Variants in KYAT1 observed in about 807,000 individuals in gnomAD.
The protein encoded by KYAT1 is kynurenine--oxoglutarate transaminase 1.
In KYAT1, 47 loss-of-function variants were observed where a neutral mutation model predicts 52.4. The ratio of observed to expected loss-of-function variants is 0.90; its 90% CI spans 0.71 to 1.14. The LOEUF (loss-of-function observed/expected upper bound fraction) is 1.14, where lower values mean the gene tolerates loss of function less well. Ranked by LOEUF, KYAT1 falls within the 50% of genes most tolerant of loss-of-function variation. The pLI is 0.00. For missense variants in KYAT1, 480 were observed against 557.9 expected, an observed-to-expected ratio of 0.86 and a Z score of 1.41; for synonymous variants, 212 against 209.6, an observed-to-expected ratio of 1.01 and a Z score of -0.10.
intron 1 of KYAT1, among the ~76,000 whole-genome samples, chr9:128,865,355 A>T (rs1187766754): frequency 0.24 from 1,411 of 5,856 alleles, 217 homozygotes; most frequent in African/African-American, 0.39. Context: ...ATATATATAT[A>T]TATATTTTTT....
At chr9:128,865,602 T>A (rs1836264938) in intron 1 of KYAT1, among the ~76,000 whole-genome samples, 1 of 151,496 alleles carries the variant, frequency 6.6e-6, no homozygotes, top group Non-Finnish European at 1.5e-5. Flanking sequence ...CGTCAGGTGA[T>A]CCACCCACCT....
intron 1 of KYAT1, chr9:128,846,789 T>C: frequency 6.5e-7 from 1 of 1,535,584 alleles, no homozygotes; most frequent in Non-Finnish European, 8.7e-7. Flanking sequence ...CTTCCGTTCC[T>C]GTGGGTTTGC....
intron 1 of KYAT1, chr9:128,846,600 CAAAAAAAAA>C (rs57333664): frequency 6.0e-4 from 253 of 419,166 alleles, no homozygotes; most frequent in East Asian, 3.8e-3. Context: ...AAGACTCTAC[CAAAAAAAAA>C]AAAAAAAAAA....
chr9:128,869,223 A>C (rs1490656305), intron 1 of KYAT1, among the ~76,000 whole-genome samples: 2 of 151,404 alleles, frequency 1.3e-5, no homozygotes, highest in Non-Finnish European at 2.9e-5. Flanking sequence ...GTGCAATGGC[A>C]CAATCTCGGC....
In KYAT1 at chr9:128,833,807, A is replaced by C. The variant is rs756547397; in HGVS notation, c.1142T>G (p.Val381Gly). ...IKNKGLVAIP[V>G]SIFYSVPHQK... ...ATGTGGCACACTATAGAAGATGGAG[A>C]CAGGGATGGCCACCAAGCCCTGGGG... The change falls in exon 12 of 13, where the codon GTC (valine) becomes GGC (glycine). Residue 381 changes from valine to glycine, a missense_variant. By Grantham distance (109) the Val-to-Gly change is moderately radical. Coordinates refer to ENST00000302586, the MANE Select transcript of KYAT1 (RefSeq NM_004059.5). The C allele has an allele frequency of 1.1e-5, 17 of 1,614,094 alleles. No individual in the cohort carries two copies. Among genetic ancestry groups the C allele is most frequent in the Non-Finnish European group, 1.4e-5 (16 of 1,180,026 alleles).
chr9:128,876,542 C>CG (rs928347380), intron 1 of KYAT1, among the ~76,000 whole-genome samples: 3 of 151,538 alleles, frequency 2.0e-5, no homozygotes, highest in African/African-American at 4.9e-5. Context: ...CTCAGCCTCC[C>CG]GAGTAGCTGG....
intron 1 of KYAT1, chr9:128,846,693 C>T: frequency 1.3e-6 from 2 of 1,532,236 alleles, no homozygotes; most frequent in Non-Finnish European, 1.7e-6. Flanking sequence ...GGCTGGGTGA[C>T]CCTGGATAGG....
At chr9:128,846,679 C>T (rs1436941018) in intron 1 of KYAT1, 1 of 1,520,148 alleles carries the variant, frequency 6.6e-7, no homozygotes, top group Non-Finnish European at 8.8e-7. Flanking sequence ...TCCTAACCCA[C>T]CTTGGCTGGG....
chr9:128,866,778 C>T (rs940058017), intron 1 of KYAT1, among the ~76,000 whole-genome samples: 3 of 151,650 alleles, frequency 2.0e-5, no homozygotes, highest in African/African-American at 4.8e-5. Context: ...CCGTGATGTG[C>T]GCCTGTAATC....
intron 1 of KYAT1, among the ~76,000 whole-genome samples, chr9:128,880,670 C>T (rs1398737187): frequency 1.3e-5 from 2 of 152,156 alleles, no homozygotes; most frequent in South Asian, 2.1e-4. Flanking sequence ...TCTCGATCTA[C>T]TGACCTCGTG....
At chr9:128,845,560 G>A (rs1424057510) in intron 1 of KYAT1, 149 bp from the exon 2 acceptor site, 3 of 707,326 alleles carry the variant, frequency 4.2e-6, no homozygotes, top group Non-Finnish European at 7.1e-6. Flanking sequence ...CAGAAGGGCA[G>A]GTTTCTGCCT....
chr9:128,837,990 G>T (rs756013845), intron 5 of KYAT1, 61 bp downstream of exon 5: 5 of 1,557,268 alleles, frequency 3.2e-6, no homozygotes, highest in African/African-American at 2.7e-5. Flanking sequence ...AACTCCCAGG[G>T]TCCAACTCAG....
At chr9:128,855,211 T>C (rs1179947360) in intron 1 of KYAT1, among the ~76,000 whole-genome samples, 3 of 152,316 alleles carry the variant, frequency 2.0e-5, no homozygotes, top group East Asian at 1.9e-4. Context: ...TATATTATGG[T>C]TGTATGGGCC....
In KYAT1 at chr9:128,835,579, C is replaced by T. The variant is rs139758426; in HGVS notation, c.944G>A (p.Arg315His). The change falls in exon 10 of 13, where the codon CGC becomes CAC. Residue 315 changes from arginine to histidine, a missense_variant. Transcript: ENST00000302586. Reference sequence around the variant, plus strand: ...GCTACGTATCATGTGGTCACGGCAGCGCTGCATGGCCTGCGGGAACTGCAC... The same window carrying T: ...GCTACGTATCATGTGGTCACGGCAGTGCTGCATGGCCTGCGGGAACTGCAC... The part of the protein sequence containing the change: ...YFVQFPQAMQ[R>H]CRDHMIRSLQ... 2.1e-4 allele frequency: 337 copies of T among 1,613,216 alleles called. 1 individual carries two copies. In the African/African-American group the frequency reaches 3.9e-3, roughly 19 times the overall value.
At chr9:128,861,246 TC>T (rs1396372679) in intron 1 of KYAT1, among the ~76,000 whole-genome samples, 2 of 152,198 alleles carry the variant, frequency 1.3e-5, no homozygotes, top group African/African-American at 4.8e-5. Flanking sequence ...TTCCCACGTG[TC>T]CTGGGAGGGA....
At chr9:128,854,442 G>C (rs1402167636) in intron 1 of KYAT1, among the ~76,000 whole-genome samples, 1 of 152,320 alleles carries the variant, frequency 6.6e-6, no homozygotes, top group African/African-American at 2.4e-5. Flanking sequence ...GAGAGGTTTT[G>C]CTCGTGTTTC....
At chr9:128,859,701 C>T (rs113595912) in intron 1 of KYAT1, among the ~76,000 whole-genome samples, 3,287 of 150,702 alleles carry the variant, frequency 0.022, 112 homozygotes, top group African/African-American at 0.075. Context: ...CAGGCTGGAG[C>T]GCAGTGGCGC....
At chr9:128,856,125 A>G (rs113614137) in intron 1 of KYAT1, among the ~76,000 whole-genome samples, 3,391 of 152,308 alleles carry the variant, frequency 0.022, 122 homozygotes, top group African/African-American at 0.077. Flanking sequence ...GGACATGGTT[A>G]GACGCCATCT....
At position 128,865,341 on chromosome 9, in the gene KYAT1, ATATATATATATATATATATTTT is replaced by A. The variant is rs1564491714; in HGVS notation, c.-7+16534_-7+16555del. Among the ~76,000 whole-genome samples, 14 of 1,772 alleles carry A rather than the reference ATATATATATATATATATATTTT, an allele frequency of 7.9e-3. 3 individuals carry two copies. Among genetic ancestry groups the A allele is most frequent in the East Asian group, 0.077 (2 of 26 alleles). The allele number at this position is 1,772 out of a possible 152,430, so 1.2% of individuals were successfully genotyped here. The stretch of plus-strand genomic sequence containing the variant: ...TATATATATATATATATATATATAT[ATATATATATATATATATATTTT>A]TTTTTTTTTTTTTTTTGAGACAGAG... On this transcript the variant is annotated intron_variant, in intron 1 of 12. Transcript: ENST00000302586.
Sources: allele counts gnomAD v4.1 joint callset (sites outside exome capture counted in the v4.1 genomes callset), GRCh38; gene constraint gnomAD v4.1.1; transcripts MANE v1.5; gene names NCBI Gene and HGNC (gene_info 2026-07-23, HGNC 2026-07-21).